The following SIPA1L2 variants were observed in gnomAD, a reference collection of about 807,000 sequenced individuals.
SIPA1L2 encodes signal-induced proliferation-associated 1-like protein 2.
A neutral mutation model predicts 163.9 loss-of-function variants in SIPA1L2; 56 were observed. The observed-to-expected ratio is 0.34, with a 90% CI of 0.28 to 0.43. SIPA1L2 has a LOEUF of 0.43. Ranked by LOEUF, SIPA1L2 falls within the 20% of genes least tolerant of loss-of-function variation. SIPA1L2 has a pLI of 1.00. For missense variants in SIPA1L2, 1,974 were observed against 2,193.5 expected (o/e 0.90, Z 2.00); for synonymous variants, 877 against 865.7 (o/e 1.01, Z -0.23).
In SIPA1L2 at chr1:232,514,998, C is replaced by T; in HGVS notation, c.342G>A (p.Leu114=). The T allele has an allele frequency of 6.2e-7, 1 of 1,614,182 alleles. No individual in the cohort carries two copies. Among genetic ancestry groups the T allele is most frequent in the Middle Eastern group, 1.6e-4 (1 of 6,062 alleles). The change falls in exon 3 of 23, where the codon CTG becomes CTA. Residue 114 remains leucine, a synonymous_variant. Coordinates refer to ENST00000674635, the MANE Select transcript of SIPA1L2 (RefSeq NM_020808.5). ...CACTCTGGTCACTCTGCCCATTCTGCAGGACAGAAGTGATGCTTTCATAAC... is the reference window on the plus strand; with the variant it reads ...CACTCTGGTCACTCTGCCCATTCTGTAGGACAGAAGTGATGCTTTCATAAC... ...QTSYESITSV[L]QNGQSDQSEG... is the part of the protein sequence containing the mutation.
intron 16 of SIPA1L2, among the ~76,000 whole-genome samples, chr1:232,430,255 T>A (rs959085501): frequency 6.6e-6 from 1 of 152,150 alleles, no homozygotes; most frequent in African/African-American, 2.4e-5. Flanking sequence ...CAGAGAACAA[T>A]CCCCTTTGGG....
rs551347050 is a variant in SIPA1L2 at position 232,442,967 on chromosome 1, C to T, written c.3437+635G>A. ...TCAGAGTGGAGTCCTTCCCACTGAC[C>T]GGCCATTCTCTCCTCTCAATCAGTG... On this transcript the variant is annotated intron_variant, in intron 12 of 22. Coordinates refer to ENST00000674635, the MANE Select transcript of SIPA1L2 (RefSeq NM_020808.5). 1.3e-4 allele frequency among the ~76,000 whole-genome samples: 20 copies of T among 152,262 alleles called. No homozygotes were observed. In the East Asian group the frequency reaches 3.9e-3, roughly 29 times the overall value.
At chr1:232,611,644 A>C (rs1267409913) in intron 1 of SIPA1L2, among the ~76,000 whole-genome samples, 1 of 152,238 alleles carries the variant, frequency 6.6e-6, no homozygotes, top group African/African-American at 2.4e-5. Context: ...CAGAGAATTT[A>C]GGGTATCCGG....
At chr1:232,584,288 G>A (rs960117222) in intron 1 of SIPA1L2, among the ~76,000 whole-genome samples, 1 of 152,118 alleles carries the variant, frequency 6.6e-6, no homozygotes, top group East Asian at 1.9e-4. Context: ...ATAGTGGTGC[G>A]ATCTCTGCTC....
At chr1:232,475,780 A>C (rs948934577) in intron 7 of SIPA1L2, among the ~76,000 whole-genome samples, 11 of 152,246 alleles carry the variant, frequency 7.2e-5, no homozygotes. Flanking sequence ...AACACTTTGC[A>C]AAGGAAGAAA....
At chr1:232,630,419 G>A (rs1183810898), upstream of SIPA1L2, among the ~76,000 whole-genome samples, 1 of 152,148 alleles carries the variant, frequency 6.6e-6, no homozygotes, top group Non-Finnish European at 1.5e-5. Context: ...CTCGAGGGCC[G>A]GGCAGCCTAC....
chr1:232,459,268 C>T (rs990026651), intron 10 of SIPA1L2, among the ~76,000 whole-genome samples: 6 of 152,156 alleles, frequency 3.9e-5, no homozygotes, highest in African/African-American at 1.4e-4. Context: ...AGTTGCACTA[C>T]AGTTCATGTA....
At chr1:232,569,599 G>A (rs1659601718) in intron 2 of SIPA1L2, among the ~76,000 whole-genome samples, 1 of 152,192 alleles carries the variant, frequency 6.6e-6, no homozygotes, top group Non-Finnish European at 1.5e-5. Context: ...AATCACCCGA[G>A]GTGAGGAGTT....
In SIPA1L2 at chr1:232,513,938, G is replaced by GAATAGGCTGGTTTTCTCTGGGCACTTCCA; in HGVS notation, c.1373_1401dup (p.His468TrpfsTer15). The GAATAGGCTGGTTTTCTCTGGGCACTTCCA allele has an allele frequency of 6.2e-7, 1 of 1,614,144 alleles. No individual in the cohort carries two copies. The highest frequency in any genetic ancestry group is 1.3e-5 in the African/African-American group (1 of 75,064). ...ATGTAGCGCTTCACTTTCTCCCTGT[G>GAATAGGCTGGTTTTCTCTGGGCACTTCCA]AATAGGCTGGTTTTCTCTGGGCACT... On this transcript the variant is annotated frameshift_variant, in exon 3 of 23. Coordinates refer to ENST00000674635, the MANE Select transcript of SIPA1L2 (RefSeq NM_020808.5). LOFTEE classifies it high-confidence loss of function.
intron 8 of SIPA1L2, among the ~76,000 whole-genome samples, chr1:232,470,961 T>C (rs1456048800): frequency 6.6e-6 from 1 of 152,198 alleles, no homozygotes; most frequent in East Asian, 1.9e-4. Flanking sequence ...TGTGGCCTTT[T>C]GAAGTCACCC....
intron 3 of SIPA1L2, among the ~76,000 whole-genome samples, chr1:232,503,729 A>C (rs1340161036): frequency 6.6e-6 from 1 of 152,122 alleles, no homozygotes; most frequent in East Asian, 1.9e-4. Context: ...TTAATTGCCT[A>C]CTCTCTGCTG....
chr1:232,503,381 C>G (rs1261840206), intron 3 of SIPA1L2, among the ~76,000 whole-genome samples: 1 of 152,136 alleles, frequency 6.6e-6, no homozygotes, highest in Non-Finnish European at 1.5e-5. Context: ...TGGACCCTAG[C>G]CCAAAAGCTG....
chr1:232,618,875 A>G (rs1388490603), intron 1 of SIPA1L2, among the ~76,000 whole-genome samples: 3 of 152,138 alleles, frequency 2.0e-5, no homozygotes, highest in Non-Finnish European at 4.4e-5. Context: ...ATCCAAAGTA[A>G]TTTTTCCTTT....
At chr1:232,560,204 T>C (rs574016267) in intron 2 of SIPA1L2, among the ~76,000 whole-genome samples, 11 of 152,328 alleles carry the variant, frequency 7.2e-5, no homozygotes, top group Middle Eastern at 6.8e-3. Flanking sequence ...CAGCCAGCAA[T>C]CCCATCTTCC....
chr1:232,441,255 C>G (rs762027592), intron 14 of SIPA1L2, 36 bp downstream of exon 14: 1 of 1,523,040 alleles, frequency 6.6e-7, no homozygotes, highest in South Asian at 1.2e-5. Context: ...TCAGTCCTGG[C>G]TAGGCCAGTG....
chr1:232,583,558 T>A (rs1489156101), intron 1 of SIPA1L2, among the ~76,000 whole-genome samples: 1 of 152,200 alleles, frequency 6.6e-6, no homozygotes, highest in Non-Finnish European at 1.5e-5. Context: ...TCTAACTTAA[T>A]GATGTTTCAA....
intron 18 of SIPA1L2, among the ~76,000 whole-genome samples, chr1:232,417,091 T>C (rs917515919): frequency 6.6e-6 from 1 of 152,176 alleles, no homozygotes; most frequent in African/African-American, 2.4e-5. Flanking sequence ...CCTGCAATTA[T>C]GTTAAGTAAG....
At chr1:232,597,523 C>CA (rs66718972) in intron 1 of SIPA1L2, among the ~76,000 whole-genome samples, 3,036 of 126,758 alleles carry the variant, frequency 0.024, 39 homozygotes, top group African/African-American at 0.03. Flanking sequence ...TAAAAAATAC[C>CA]AAAAAAAAAA....
chr1:232,574,596 T>C (rs1659979066), intron 1 of SIPA1L2, among the ~76,000 whole-genome samples: 1 of 152,224 alleles, frequency 6.6e-6, no homozygotes, highest in African/African-American at 2.4e-5. Flanking sequence ...ATAAAGGGGT[T>C]ATTACCATCA....
Sources: gnomAD v4.1 joint callset for allele counts (sites outside exome capture counted in the v4.1 genomes callset) on GRCh38, gnomAD v4.1.1 for gene constraint, MANE v1.5 for transcripts, NCBI Gene and HGNC (gene_info 2026-07-23, HGNC 2026-07-21) for gene names.